Variants in CSNK1D observed in about 807,000 individuals in gnomAD.
The protein encoded by CSNK1D is casein kinase 1 delta.
In CSNK1D, 16 loss-of-function variants were observed where a neutral mutation model predicts 46.6. The ratio of observed to expected loss-of-function variants is 0.34; its 90% confidence interval spans 0.23 to 0.52. CSNK1D has a LOEUF of 0.52. Ranked by LOEUF, CSNK1D falls within the 20% of genes least tolerant of loss-of-function variation. CSNK1D has a pLI of 0.95. For synonymous variants in CSNK1D, 276 were observed against 228.2 expected (o/e 1.21, Z -1.89); for missense variants, 398 against 578.4 (o/e 0.69, Z 3.20).
intron 2 of CSNK1D, among the ~76,000 whole-genome samples, chr17:82,262,546 C>T (rs1185826415): frequency 6.6e-6 from 1 of 152,206 alleles, no homozygotes; most frequent in African/African-American, 2.4e-5. Flanking sequence ...ACTTGACTTT[C>T]ACGTGAAAGG....
At chr17:82,257,744 T>C (rs914220215) in intron 2 of CSNK1D, among the ~76,000 whole-genome samples, 2 of 152,144 alleles carry the variant, frequency 1.3e-5, no homozygotes, top group African/African-American at 4.8e-5. Context: ...AGAAGAGAGC[T>C]GAGGAGGAGC....
intron 1 of CSNK1D, among the ~76,000 whole-genome samples, chr17:82,269,481 C>A: frequency 6.6e-6 from 1 of 152,182 alleles, no homozygotes; most frequent in East Asian, 1.9e-4. Flanking sequence ...TGCAGGCTGC[C>A]TCTTGAGAAA....
rs144919619 is a variant in CSNK1D, at chr17:82,253,104, T to A, written c.477A>T (p.Ala159=). The change falls in exon 4 of 9, where the codon GCA becomes GCT. Residue 159 remains alanine, a synonymous_variant. Coordinates refer to ENST00000314028, the MANE Select transcript of CSNK1D (RefSeq NM_001893.6). ...DFGLAKKYRD[A]RTHQHIPYRE... ...GATAGGGGATGTGCTGGTGGGTGCG[T>A]GCATCCCGGTACTTCTTGGCCAGCC... 23 of 1,614,080 alleles carry A rather than the reference T, an allele frequency of 1.4e-5. No individual in the cohort carries two copies. Among genetic ancestry groups the A allele is most frequent in the Non-Finnish European group, 1.9e-5 (22 of 1,180,040 alleles).
intron 2 of CSNK1D, among the ~76,000 whole-genome samples, chr17:82,262,128 T>C (rs1348620172): frequency 2.6e-5 from 4 of 152,248 alleles, no homozygotes; most frequent in Admixed American, 2.6e-4. Context: ...TAGCTACTTT[T>C]AGTTTCTTTC....
chr17:82,243,716 G>C lies in CSNK1D; in HGVS notation c.*1065C>G. ...CGTGGCAAGGACAGCCCCGCTCCTG[G>C]TTTTAAGCACAGGCATTCATACAGA... On this transcript the variant is annotated 3_prime_UTR_variant, in exon 9 of 9. Transcript: ENST00000314028. The C allele has an allele frequency of 5.1e-6, 5 of 985,468 alleles. No homozygotes were observed. The highest frequency in any genetic ancestry group is 6.0e-6 in the Non-Finnish European group (5 of 829,960). The allele number at this position is 985,468 out of a possible 1,614,324, so 61.0% of individuals were successfully genotyped here. A position where few individuals can be genotyped will look rare whatever the true frequency, so the allele number is the denominator to read the frequency against.
At chr17:82,247,492 C>T (rs540883701) in intron 8 of CSNK1D, 33 of 985,472 alleles carry the variant, frequency 3.3e-5, no homozygotes, top group African/African-American at 2.3e-4. Flanking sequence ...GTCAGCCAAG[C>T]GCTGGGGCGA....
chr17:82,242,158 C>A (rs905914705), downstream of CSNK1D, among the ~76,000 whole-genome samples: 2 of 149,438 alleles, frequency 1.3e-5, no homozygotes, highest in African/African-American at 5.0e-5. Flanking sequence ...CCTCCCTGCT[C>A]TGGCAGCCTG....
chr17:82,239,336 G>A, downstream of CSNK1D: 1 of 209,594 alleles, frequency 4.8e-6, no homozygotes, highest in South Asian at 1.3e-4. Context: ...GGCTGGCAGG[G>A]CAGGTGCTGC....
Position 82,243,534 on chromosome 17 carries a change from A to C in CSNK1D, c.*1247T>G. Reference sequence around the variant, plus strand: ...GACTCGGCCCCACGCACGCTGCTTCACTTCTGACCAACAGACACGCGCCCA... The same window carrying C: ...GACTCGGCCCCACGCACGCTGCTTCCCTTCTGACCAACAGACACGCGCCCA... On this transcript the variant is annotated 3_prime_UTR_variant, in exon 9 of 9. Coordinates refer to ENST00000314028, the MANE Select transcript of CSNK1D (RefSeq NM_001893.6). The C allele has an allele frequency of 3.0e-6, 3 of 985,408 alleles. No homozygotes were observed. The highest frequency in any genetic ancestry group is 3.6e-6 in the Non-Finnish European group (3 of 829,954). 61.0% of individuals were successfully genotyped at this position (985,408 alleles called of 1,614,324 possible).
At chr17:82,241,134 G>A (rs543853326), downstream of CSNK1D, among the ~76,000 whole-genome samples, 6 of 152,142 alleles carry the variant, frequency 3.9e-5, no homozygotes, top group African/African-American at 1.4e-4. Context: ...GGGGGTGGGG[G>A]GCAGAGGGCG....
Position 82,243,632 on chromosome 17 carries a change from C to T in CSNK1D, c.*1149G>A. ...GGTCCGGTTGGGAGAGTCACCTGCT[C>T]CTTGGCACCTCAGGGTGGGTCCTTC... On this transcript the variant is annotated 3_prime_UTR_variant, in exon 9 of 9. Transcript: ENST00000314028. 1.0e-6 allele frequency: 1 copy of T among 985,516 alleles called. No individual in the cohort carries two copies. Among genetic ancestry groups the T allele is most frequent in the Non-Finnish European group, 1.2e-6 (1 of 829,966 alleles). The allele number at this position is 985,516 out of a possible 1,614,324, so 61.0% of individuals were successfully genotyped here. A position where few individuals can be genotyped will look rare whatever the true frequency, so the allele number is the denominator to read the frequency against.
intron 1 of CSNK1D, among the ~76,000 whole-genome samples, chr17:82,270,301 G>A (rs2052450893): frequency 1.3e-5 from 2 of 152,128 alleles, no homozygotes; most frequent in Non-Finnish European, 2.9e-5. Flanking sequence ...CCCACACCAC[G>A]CTTCTAGCCC....
Position 82,244,433 on chromosome 17 carries a change from T to C in CSNK1D, c.*348A>G, listed in dbSNP as rs532138261. On this transcript the variant is annotated 3_prime_UTR_variant, in exon 9 of 9. Transcript: ENST00000314028. ...AAAACTGTCTTAACCAAGTAGAAGA[T>C]TGGTAGTTACAGTGGAATCGTCAGG... is the stretch of plus-strand genomic sequence containing the variant. 2.4e-5 allele frequency: 30 copies of C among 1,269,600 alleles called. No homozygotes were observed. The Admixed American group carries it at 3.1e-4, about 13-fold the overall frequency. 78.6% of individuals were successfully genotyped at this position (1,269,600 alleles called of 1,614,324 possible).
intron 8 of CSNK1D, chr17:82,247,613 C>A (rs1329310357): frequency 1.0e-6 from 1 of 985,284 alleles, no homozygotes; most frequent in Admixed American, 6.1e-5. Context: ...CACGGGCAGA[C>A]CCTCCCGGGA....
intron 2 of CSNK1D, among the ~76,000 whole-genome samples, chr17:82,261,669 G>C (rs1031526374): frequency 6.6e-6 from 1 of 152,236 alleles, no homozygotes; most frequent in African/African-American, 2.4e-5. Context: ...TCCTGGCACA[G>C]ACATGGGGCT....
intron 2 of CSNK1D, among the ~76,000 whole-genome samples, chr17:82,263,786 A>C (rs1393491861): frequency 6.6e-6 from 1 of 152,100 alleles, no homozygotes; most frequent in Non-Finnish European, 1.5e-5. Context: ...CCAAGGCCAC[A>C]CCCCGCACCA....
At position 82,248,592 on chromosome 17, in the gene CSNK1D, C is replaced by CA; in HGVS notation, c.1197+282dup. 7.8e-7 allele frequency: 1 copy of CA among 1,285,938 alleles called. No individual in the cohort carries two copies. Among genetic ancestry groups the CA allele is most frequent in the Non-Finnish European group, 9.9e-7 (1 of 1,008,054 alleles). The allele number at this position is 1,285,938 out of a possible 1,614,324, so 79.7% of individuals were successfully genotyped here. On this transcript the variant is annotated intron_variant, in intron 8 of 8. Transcript: ENST00000314028. The surrounding 1 kb of genome is among the most constrained non-coding windows in gnomAD (Gnocchi z 4.1). Reference sequence around the variant, plus strand: ...GGACGGCTGCGGGCAGCGGGGCACTCAAACAGCAGGAGAAAGCCCCCACGG... The same window carrying CA: ...GGACGGCTGCGGGCAGCGGGGCACTCAAAACAGCAGGAGAAAGCCCCCACGG...
At chr17:82,268,027 G>A (rs908099587) in intron 1 of CSNK1D, among the ~76,000 whole-genome samples, 1 of 152,230 alleles carries the variant, frequency 6.6e-6, no homozygotes, top group Admixed American at 6.5e-5. Context: ...TCATGGGGCC[G>A]GGACCTCTCG....
chr17:82,241,404 A>G (rs1008255881), downstream of CSNK1D, among the ~76,000 whole-genome samples: 3 of 152,338 alleles, frequency 2.0e-5, no homozygotes, highest in South Asian at 6.2e-4. Context: ...CGTCTAAACC[A>G]TGCCTGAGGA....
Sources: allele counts gnomAD v4.1 joint callset (sites outside exome capture counted in the v4.1 genomes callset), GRCh38; gene constraint gnomAD v4.1.1; non-coding constraint Gnocchi (gnomAD v3.1); transcripts MANE v1.5; gene names NCBI Gene and HGNC (gene_info 2026-07-23, HGNC 2026-07-21).